Variants in REPS1 observed in about 807,000 individuals in gnomAD.
REPS1 encodes the protein ralBP1-associated Eps domain-containing protein 1.
A neutral mutation model predicts 100.9 loss-of-function variants in REPS1; 39 were observed. The ratio of observed to expected loss-of-function variants is 0.39; its 90% CI spans 0.30 to 0.50. The LOEUF (loss-of-function observed/expected upper bound fraction) is 0.50, where lower values mean the gene tolerates loss of function less well. Among genes scored for constraint, REPS1 ranks in the 20% least tolerant of loss-of-function variants. The pLI is 0.86. For missense variants in REPS1, 821 were observed against 968.5 expected, an observed-to-expected ratio of 0.85 and a Z score of 2.02; for synonymous variants, 324 against 340.3, an observed-to-expected ratio of 0.95 and a Z score of 0.53.
intron 10 of REPS1, among the ~76,000 whole-genome samples, chr6:138,924,461 G>A (rs1780972769): frequency 1.3e-5 from 2 of 152,206 alleles, no homozygotes; most frequent in Admixed American, 1.3e-4. Flanking sequence ...TACATTTCCT[G>A]TCAGTCGTAG....
chr6:138,978,905 G>A lies in REPS1; in HGVS notation c.153+8625C>T, dbSNP rs1011746701. Reference sequence around the variant, plus strand: ...CACTGTTAAAACTGAGGAAGTGGCCGGGCACGGTGGCTCATGCCTGTAATC... The same window carrying A: ...CACTGTTAAAACTGAGGAAGTGGCCAGGCACGGTGGCTCATGCCTGTAATC... On this transcript the variant is annotated intron_variant, in intron 1 of 19. Coordinates refer to ENST00000450536, the MANE Select transcript of REPS1 (RefSeq NM_001286611.2). Among the ~76,000 whole-genome samples the A allele has an allele frequency of 1.3e-3, 194 of 152,084 alleles. 1 individual carries two copies. The highest frequency in any genetic ancestry group is 5.4e-4 in the Non-Finnish European group (37 of 67,980).
At chr6:138,987,200 G>A (rs1319209360) in intron 1 of REPS1, among the ~76,000 whole-genome samples, 1 of 152,156 alleles carries the variant, frequency 6.6e-6, no homozygotes, top group East Asian at 1.9e-4. Flanking sequence ...TATATGCCAG[G>A]TTCTAGGATT....
intron 1 of REPS1, among the ~76,000 whole-genome samples, chr6:138,969,859 AT>A (rs56070030): frequency 0.026 from 2,426 of 94,438 alleles, 45 homozygotes; most frequent in East Asian, 0.11. Context: ...GTGAATTGGG[AT>A]TTTTTTTTTT....
intron 14 of REPS1, among the ~76,000 whole-genome samples, chr6:138,915,589 A>G (rs1459314784): frequency 2.0e-5 from 3 of 151,436 alleles, no homozygotes; most frequent in Non-Finnish European, 4.4e-5. Flanking sequence ...AGTAGCTGGG[A>G]CCACAGACAT....
intron 10 of REPS1, among the ~76,000 whole-genome samples, chr6:138,925,067 C>G (rs1380547412): frequency 1.3e-5 from 2 of 152,002 alleles, no homozygotes; most frequent in African/African-American, 4.8e-5. Flanking sequence ...GACATCAGGC[C>G]AGGTGTGGTG....
At chr6:138,977,553 A>G (rs1784666242) in intron 1 of REPS1, among the ~76,000 whole-genome samples, 1 of 152,168 alleles carries the variant, frequency 6.6e-6, no homozygotes, top group Non-Finnish European at 1.5e-5. Flanking sequence ...GCCCAGAGAC[A>G]TGTTTTTGAC....
Position 138,988,084 on chromosome 6 carries a change from G to A in REPS1, c.-402C>T. On this transcript the variant is annotated 5_prime_UTR_variant, in exon 1 of 20. Coordinates refer to ENST00000450536, the MANE Select transcript of REPS1 (RefSeq NM_001286611.2). ...CGATTCCCCCAGACTTCCCGCCTCG[G>A]CTTCCCCTTCCGTCCACGCCTCCGG... is the stretch of plus-strand genomic sequence containing the variant. 3 of 398,072 alleles carry A rather than the reference G, an allele frequency of 7.5e-6. No individual in the cohort carries two copies. 24.7% of individuals were successfully genotyped at this position (398,072 alleles called of 1,614,324 possible).
intron 10 of REPS1, among the ~76,000 whole-genome samples, chr6:138,922,270 A>T (rs1461243753): frequency 6.6e-6 from 1 of 152,202 alleles, no homozygotes; most frequent in Non-Finnish European, 1.5e-5. Flanking sequence ...CTTCCTACGG[A>T]TTAATTCAAA....
intron 10 of REPS1, among the ~76,000 whole-genome samples, chr6:138,925,322 G>A (rs537622611): frequency 2.6e-5 from 4 of 152,174 alleles, no homozygotes; most frequent in African/African-American, 2.4e-5. Context: ...AGCTGAGATC[G>A]CACCACTGCA....
In REPS1 at chr6:138,908,700, A is replaced by G. The variant is rs781341396; in HGVS notation, c.2184T>C (p.Ala728=). The G allele has an allele frequency of 1.9e-6, 3 of 1,614,200 alleles. No individual in the cohort carries two copies. The highest frequency in any genetic ancestry group is 2.5e-6 in the Non-Finnish European group (3 of 1,180,030). Residue 728 remains alanine, a synonymous_variant, in exon 18 of 20, where the codon GCT becomes GCC. Coordinates refer to ENST00000450536, the MANE Select transcript of REPS1 (RefSeq NM_001286611.2). ...TAGAAGGTTGTGATGCAAGAACAGC[A>G]GCTAAGACACCCGTCTTTTGTGTAT... is the stretch of plus-strand genomic sequence containing the variant. ...DEHTQKTGVL[A]AVLASQPSIP...
rs140224264 is a variant in REPS1, at chr6:138,982,641, G to C, written c.153+4889C>G. On this transcript the variant is annotated intron_variant, in intron 1 of 19. Coordinates refer to ENST00000450536, the MANE Select transcript of REPS1 (RefSeq NM_001286611.2). ...CTCGGCAGACAGCAAAATTCCTCAT[G>C]ATTAAATCCTATGAGCCAGATTTTT... is the stretch of plus-strand genomic sequence containing the variant. Among the ~76,000 whole-genome samples, 632 of 152,300 alleles carry C rather than the reference G, an allele frequency of 4.1e-3. 5 individuals are homozygous for C. Among genetic ancestry groups the C allele is most frequent in the Non-Finnish European group, 6.9e-3 (470 of 68,026 alleles).
chr6:138,939,756 G>T (rs1401041326), intron 8 of REPS1, among the ~76,000 whole-genome samples: 1 of 152,190 alleles, frequency 6.6e-6, no homozygotes, highest in Admixed American at 6.5e-5. Context: ...GTTTAACAAA[G>T]AAGTTGTTTT....
At position 138,958,213 on chromosome 6, in the gene REPS1, G is replaced by T. The variant is rs1296081258; in HGVS notation, c.154-10300C>A. Among the ~76,000 whole-genome samples the T allele has an allele frequency of 2.0e-5, 3 of 152,186 alleles. No homozygotes were observed. The South Asian group carries it at 6.2e-4, about 32-fold the overall frequency. On this transcript the variant is annotated intron_variant, in intron 1 of 19. Coordinates refer to ENST00000450536, the MANE Select transcript of REPS1 (RefSeq NM_001286611.2). ...AAGTGGAGTTTTAAGAGATATGGAA[G>T]TAATCACTGAAGAAAGAGTTTAATA...
intron 8 of REPS1, among the ~76,000 whole-genome samples, chr6:138,940,935 TA>T (rs1450611721): frequency 6.6e-6 from 1 of 152,120 alleles, no homozygotes; most frequent in Non-Finnish European, 1.5e-5. Flanking sequence ...TATAAAGGTC[TA>T]ATGATGAACC....
At chr6:138,912,982 A>G (rs1780111686) in intron 15 of REPS1, 32 bp from the exon 16 acceptor site, 1 of 1,567,752 alleles carries the variant, frequency 6.4e-7, no homozygotes, top group Admixed American at 1.9e-5. Context: ...AGGAACACAC[A>G]TTCTATCAGC....
chr6:138,983,216 G>A (rs1308798888), intron 1 of REPS1, among the ~76,000 whole-genome samples: 2 of 152,314 alleles, frequency 1.3e-5, no homozygotes, highest in African/African-American at 4.8e-5. Flanking sequence ...CACTCTGGGA[G>A]GCTGAAGTGG....
chr6:138,910,542 C>T lies in REPS1; in HGVS notation c.2067+734G>A, dbSNP rs749837625. Among the ~76,000 whole-genome samples, 10 of 152,146 alleles carry T rather than the reference C, an allele frequency of 6.6e-5. No homozygotes were observed. In the East Asian group the frequency reaches 7.7e-4, roughly 12 times the overall value. On this transcript the variant is annotated intron_variant, in intron 17 of 19. Coordinates refer to ENST00000450536, the MANE Select transcript of REPS1 (RefSeq NM_001286611.2). ...CTAATATTTGTACTTTTTGTAGAGA[C>T]GGGGTTTCGCCACATTGCCCAGGCT...
chr6:138,919,253 C>A (rs915663780), intron 12 of REPS1, among the ~76,000 whole-genome samples: 1 of 152,080 alleles, frequency 6.6e-6, no homozygotes, highest in South Asian at 2.1e-4. Context: ...CACAATATAG[C>A]CAGAGTCCAG....
chr6:138,941,691 A>T (rs573273967), intron 7 of REPS1, among the ~76,000 whole-genome samples: 1 of 152,316 alleles, frequency 6.6e-6, no homozygotes, highest in African/African-American at 2.4e-5. Flanking sequence ...ATGAATGCTT[A>T]TGGTACTCTT....
Sources: allele counts gnomAD v4.1 joint callset (sites outside exome capture counted in the v4.1 genomes callset), GRCh38; gene constraint gnomAD v4.1.1; transcripts MANE v1.5; gene names NCBI Gene and HGNC (gene_info 2026-07-23, HGNC 2026-07-21).